Variants in APBA2 observed in about 807,000 individuals in gnomAD.
The protein encoded by APBA2 is amyloid beta precursor protein binding family A member 2.
Under a neutral mutation model 75.0 loss-of-function variants are expected in APBA2, and 30 were observed. The ratio of observed to expected loss-of-function variants is 0.40; its 90% confidence interval spans 0.30 to 0.54. The LOEUF is 0.54. Ranked by LOEUF, APBA2 falls within the 20% of genes least tolerant of loss-of-function variation. The pLI is 0.49. For synonymous variants in APBA2, 444 were observed against 409.6 expected (o/e 1.08, Z -1.01); for missense variants, 801 against 1,016.1 (o/e 0.79, Z 2.88).
At chr15:28,935,070 A>G (rs183787887) in intron 2 of APBA2, among the ~76,000 whole-genome samples, 3 of 152,324 alleles carry the variant, frequency 2.0e-5, no homozygotes, top group East Asian at 3.9e-4. Context: ...GTTGTAAGAG[A>G]AAAAAGCAGG....
At chr15:28,928,322 C>T (rs183280601) in intron 2 of APBA2, among the ~76,000 whole-genome samples, 6 of 152,098 alleles carry the variant, frequency 3.9e-5, no homozygotes, top group East Asian at 1.9e-4. Context: ...CTGTGAGTGC[C>T]GGCGTATTCC....
chr15:28,932,985 T>C (rs891114519), intron 2 of APBA2, among the ~76,000 whole-genome samples: 1 of 152,128 alleles, frequency 6.6e-6, no homozygotes. Context: ...GAGGGTTGCA[T>C]CTGCTGAGGG....
chr15:29,046,009 G>A lies in APBA2; in HGVS notation c.-40-7836G>A, dbSNP rs866721654. Among the ~76,000 whole-genome samples, 2 of 152,168 alleles carry A rather than the reference G, an allele frequency of 1.3e-5. No homozygotes were observed. The highest frequency in any genetic ancestry group is 2.9e-5 in the Non-Finnish European group (2 of 68,036). On this transcript the variant is annotated intron_variant, in intron 3 of 14. Transcript: ENST00000683413. This position sits in a 1 kb window ranked among gnomAD's most constrained non-coding sequence, Gnocchi z 5.0. ...AAGGAGTATGCAGTTAAAGTAATTG[G>A]AGATTCTTTGACCAGACGTTTTGAG...
chr15:28,941,833 C>T (rs542822317), intron 2 of APBA2, among the ~76,000 whole-genome samples: 172 of 152,340 alleles, frequency 1.1e-3, no homozygotes, highest in East Asian at 3.5e-3. Flanking sequence ...CTCAGCTCAC[C>T]GCAAGCTCCG....
intron 2 of APBA2, among the ~76,000 whole-genome samples, chr15:28,969,640 C>G (rs565199625): frequency 6.6e-6 from 1 of 152,150 alleles, no homozygotes; most frequent in Non-Finnish European, 1.5e-5. Context: ...ACCCCTCGGC[C>G]GAGCAGAAAG....
intron 1 of APBA2, among the ~76,000 whole-genome samples, chr15:28,916,044 T>C (rs1429149759): frequency 2.0e-5 from 3 of 152,208 alleles, no homozygotes; most frequent in Non-Finnish European, 4.4e-5. Context: ...ACTGAATGAT[T>C]GTTTTCCCCA....
At position 29,054,134 on chromosome 15, in the gene APBA2, G is replaced by C; in HGVS notation, c.250G>C (p.Glu84Gln). 6.2e-7 allele frequency: 1 copy of C among 1,614,212 alleles called. No homozygotes were observed. Among genetic ancestry groups the C allele is most frequent in the Non-Finnish European group, 8.5e-7 (1 of 1,180,034 alleles). ...SDYVNNTSEEEDYDEGLPEEE... is the reference protein window; with the variant it reads ...SDYVNNTSEEQDYDEGLPEEE... Reference sequence around the variant, plus strand: ...CTACGTGAACAACACCTCTGAGGAGGAGGACTATGACGAGGGCCTCCCTGA... The same window carrying C: ...CTACGTGAACAACACCTCTGAGGAGCAGGACTATGACGAGGGCCTCCCTGA... Residue 84 changes from glutamate to glutamine, a missense_variant, in exon 4 of 15, where the codon GAG (glutamate) becomes CAG (glutamine). By Grantham distance (29) the Glu-to-Gln change is conservative. This residue lies in a region of APBA2 where 434 missense variants were observed against 471.6 expected (regional missense o/e 0.92). Transcript: ENST00000683413. The surrounding 1 kb of genome is among the most constrained non-coding windows in gnomAD (Gnocchi z 6.1).
At chr15:28,940,696 T>C (rs573559365) in intron 2 of APBA2, among the ~76,000 whole-genome samples, 59 of 152,278 alleles carry the variant, frequency 3.9e-4, no homozygotes, top group Admixed American at 3.5e-3. Context: ...GCACCCCCAG[T>C]CCCGGGTCAT....
At chr15:28,891,674 G>A (rs926166413) in intron 1 of APBA2, among the ~76,000 whole-genome samples, 2 of 152,168 alleles carry the variant, frequency 1.3e-5, no homozygotes, top group African/African-American at 4.8e-5. Context: ...AATCAACTGC[G>A]CAGAGAGATG....
At chr15:29,092,311 C>T (rs529398278) in intron 6 of APBA2, among the ~76,000 whole-genome samples, 1 of 152,250 alleles carries the variant, frequency 6.6e-6, no homozygotes, top group South Asian at 2.1e-4. Flanking sequence ...GGTTTGTGGG[C>T]AACATGGACA....
chr15:29,055,854 G>T (rs1484215930), intron 4 of APBA2, among the ~76,000 whole-genome samples: 1 of 152,110 alleles, frequency 6.6e-6, no homozygotes, highest in Non-Finnish European at 1.5e-5. Flanking sequence ...TCACTTTGGG[G>T]GTGTTCCTGT....
At chr15:28,948,634 G>A (rs1031651833) in intron 2 of APBA2, among the ~76,000 whole-genome samples, 6 of 152,134 alleles carry the variant, frequency 3.9e-5, no homozygotes, top group African/African-American at 1.4e-4. Flanking sequence ...GCTTTCTTCT[G>A]TCGTGTTCTG....
intron 3 of APBA2, among the ~76,000 whole-genome samples, chr15:29,044,629 G>A (rs937472698): frequency 6.6e-6 from 1 of 152,102 alleles, no homozygotes; most frequent in Non-Finnish European, 1.5e-5. Context: ...TGGGGACCTG[G>A]GCCTTGGATT....
At chr15:28,903,720 A>G (rs2032991929) in intron 1 of APBA2, among the ~76,000 whole-genome samples, 1 of 152,170 alleles carries the variant, frequency 6.6e-6, no homozygotes. Context: ...AATGACATCC[A>G]CTTTGCAAGA....
At chr15:29,082,672 C>T (rs1205315550) in intron 6 of APBA2, among the ~76,000 whole-genome samples, 2 of 152,164 alleles carry the variant, frequency 1.3e-5, no homozygotes, top group Non-Finnish European at 2.9e-5. Flanking sequence ...CTTTGCTAAA[C>T]ATGTCATTTA....
At chr15:29,059,863 G>A (rs1021109369) in intron 4 of APBA2, among the ~76,000 whole-genome samples, 2 of 152,156 alleles carry the variant, frequency 1.3e-5, no homozygotes, top group African/African-American at 4.8e-5. Flanking sequence ...CTTCTTGGGG[G>A]TTTACTGATT....
At chr15:28,953,293 GC>G (rs1319955098) in intron 2 of APBA2, among the ~76,000 whole-genome samples, 1 of 152,122 alleles carries the variant, frequency 6.6e-6, no homozygotes, top group Non-Finnish European at 1.5e-5. Flanking sequence ...GCTTCACGCT[GC>G]CCTCCAGCAG....
intron 2 of APBA2, among the ~76,000 whole-genome samples, chr15:28,926,281 T>A (rs1403997937): frequency 6.6e-6 from 1 of 152,248 alleles, no homozygotes; most frequent in Admixed American, 6.5e-5. Flanking sequence ...GACCATTTTA[T>A]GTGATGCCAT....
At chr15:29,009,049 A>G (rs1042611353) in intron 3 of APBA2, among the ~76,000 whole-genome samples, 1 of 152,238 alleles carries the variant, frequency 6.6e-6, no homozygotes, top group Admixed American at 6.5e-5. Context: ...ATCCTCCCCA[A>G]GAGCCTTGGA....
Sources: allele counts gnomAD v4.1 joint callset (sites outside exome capture counted in the v4.1 genomes callset), GRCh38; gene constraint gnomAD v4.1.1; regional missense constraint gnomAD v4.1.1; non-coding constraint Gnocchi (gnomAD v3.1); transcripts MANE v1.5; gene names NCBI Gene and HGNC (gene_info 2026-07-23, HGNC 2026-07-21).